DNAH2: variants seen among roughly 807,000 people sequenced by gnomAD.
DNAH2 encodes the protein axonemal beta dynein heavy chain 2.
Under a neutral mutation model 523.5 loss-of-function variants are expected in DNAH2, and 323 were observed. The ratio of observed to expected loss-of-function variants is 0.62; its 90% CI spans 0.56 to 0.68. The LOEUF is 0.68. DNAH2 is among the 30% of genes least tolerant of loss of function. DNAH2 has a pLI of 0.00. For missense variants in DNAH2, 4,907 were observed against 5,701.5 expected (o/e 0.86, Z 4.49); for synonymous variants, 2,093 against 2,177.4 (o/e 0.96, Z 1.08).
Position 7,807,598 on chromosome 17 carries a change from GCC to G in DNAH2, c.9729+13_9729+14del, listed in dbSNP as rs761182270. The G allele has an allele frequency of 7.5e-6, 12 of 1,606,230 alleles. No homozygotes were observed. In the Admixed American group the frequency reaches 2.0e-4, roughly 27 times the overall value. On this transcript the variant is annotated intron_variant, in intron 63 of 85. Transcript: ENST00000572933. This position sits in a 1 kb window ranked among gnomAD's most constrained non-coding sequence, Gnocchi z 5.6. ...AGAAGCTGCGGGAGGTGAGCTGATC[GCC>G]TGTCCTTTCCACGGAGGTCCCTCTC...
At chr17:7,724,888 A>G (rs1231706416) in intron 3 of DNAH2, among the ~76,000 whole-genome samples, 2 of 151,352 alleles carry the variant, frequency 1.3e-5, no homozygotes, top group East Asian at 2.0e-4. Context: ...GATTACAGGC[A>G]TGCACCACCA....
intron 7 of DNAH2, among the ~76,000 whole-genome samples, chr17:7,736,390 A>G (rs2075142988): frequency 6.6e-6 from 1 of 152,222 alleles, no homozygotes; most frequent in East Asian, 1.9e-4. Context: ...CTGGGTGACA[A>G]CTATGGGGAC....
At position 7,770,394 on chromosome 17, in the gene DNAH2, C is replaced by T; in HGVS notation, c.4084C>T (p.Leu1362=). 1 of 1,613,006 alleles carries T rather than the reference C, an allele frequency of 6.2e-7. No homozygotes were observed. The highest frequency in any genetic ancestry group is 8.5e-7 in the Non-Finnish European group (1 of 1,179,468). The change falls in exon 25 of 86, where the codon CTG becomes TTG. Residue 1362 remains leucine (L), a synonymous_variant. Transcript: ENST00000572933. ...GATCTCTGCTTCAGCAACTAAAGAG[C>T]TGGCTATAGAAGTGGTACGACAGTC... ...GEISASATKE[L]AIEVALQNIA...
intron 2 of DNAH2, among the ~76,000 whole-genome samples, chr17:7,722,964 C>CTTTTTTT (rs559136734): frequency 8.7e-6 from 1 of 114,694 alleles, no homozygotes; most frequent in Non-Finnish European, 1.7e-5. Context: ...CTTTTCTTTC[C>CTTTTTTT]TTTTTTTTTT....
At chr17:7,740,667 C>T (rs965476577) in intron 10 of DNAH2, 118 bp downstream of exon 10, 1 of 1,540,332 alleles carries the variant, frequency 6.5e-7, no homozygotes, top group South Asian at 1.2e-5. Flanking sequence ...ATTCGGGCGC[C>T]TCTTGTCTTT....
chr17:7,833,216 C>T lies in DNAH2; in HGVS notation c.13124C>T (p.Ala4375Val). The T allele has an allele frequency of 1.2e-6, 2 of 1,607,104 alleles. No individual in the cohort carries two copies. Among genetic ancestry groups the T allele is most frequent in the East Asian group, 2.2e-5 (1 of 44,862 alleles). ...CCTGCAGAGAGCCGCAAGAAGAGCGCCAAGGGTGGGACAGCTCCCCAGGCA... is the reference window on the plus strand; with the variant it reads ...CCTGCAGAGAGCCGCAAGAAGAGCGTCAAGGGTGGGACAGCTCCCCAGGCA... ...FRPAESRKKSAKGMYSCPCYY... is the reference protein window; with the variant it reads ...FRPAESRKKSVKGMYSCPCYY... The change falls in exon 85 of 86, where the codon GCC becomes GTC. Residue 4375 changes from alanine to valine, a missense_variant. By Grantham distance (64) the Ala-to-Val change is moderately conservative. Around this residue, in one of 3 missense-constraint regions of DNAH2, gnomAD observed 1,851 missense variants for 2,139.4 expected, o/e 0.87. Transcript: ENST00000572933.
At chr17:7,812,692 GT>G (rs1567740391) in intron 63 of DNAH2, among the ~76,000 whole-genome samples, 1 of 149,174 alleles carries the variant, frequency 6.7e-6, no homozygotes, top group Non-Finnish European at 1.5e-5. Context: ...AGGCCGAGGT[GT>G]GCGGATCACC....
chr17:7,725,440 A>ATATT (rs958458949), intron 3 of DNAH2, among the ~76,000 whole-genome samples: 14 of 130,506 alleles, frequency 1.1e-4, no homozygotes, highest in Admixed American at 1.6e-4. Context: ...ATATATATAT[A>ATATT]TTTTCTTTTT....
chr17:7,832,587 C>T lies in DNAH2; in HGVS notation c.12735C>T (p.Pro4245=). ...HVPPLWGKAY[P]SQKPLAAWTR... is the part of the protein sequence containing the mutation. ...ACGCACTCCTTCCCCAGGCATACCCCTCACAAAAGCCATTGGCTGCCTGGA... is the reference window on the plus strand; with the variant it reads ...ACGCACTCCTTCCCCAGGCATACCCTTCACAAAAGCCATTGGCTGCCTGGA... Residue 4245 remains proline, a synonymous_variant, in exon 83 of 86, where the codon CCC becomes CCT. Coordinates refer to ENST00000572933, the MANE Select transcript of DNAH2 (RefSeq NM_020877.5). This position sits in a 1 kb window ranked among gnomAD's most constrained non-coding sequence, Gnocchi z 4.3. The T allele has an allele frequency of 1.2e-6, 2 of 1,614,020 alleles. No individual in the cohort carries two copies. The highest frequency in any genetic ancestry group is 1.1e-5 in the South Asian group (1 of 91,060).
At chr17:7,792,884 C>T (rs1390602209) in intron 47 of DNAH2, 29 bp downstream of exon 47, 1 of 1,605,816 alleles carries the variant, frequency 6.2e-7, no homozygotes, top group Non-Finnish European at 8.5e-7. Flanking sequence ...GGCCAGGCTG[C>T]CGGCTCCCTT....
chr17:7,817,490 G>A (rs1204625532), intron 65 of DNAH2, 71 bp from the exon 66 acceptor site: 12 of 1,613,384 alleles, frequency 7.4e-6, no homozygotes, highest in Non-Finnish European at 1.0e-5. Context: ...AATATTAAGA[G>A]ATACCGTGAA....
chr17:7,732,299 G>T (rs1328090223), intron 4 of DNAH2, among the ~76,000 whole-genome samples: 1 of 151,616 alleles, frequency 6.6e-6, no homozygotes, highest in Admixed American at 6.6e-5. Flanking sequence ...GCCAGGTGTG[G>T]TGGTACGGGC....
At chr17:7,758,054 A>G (rs1265274761) in intron 13 of DNAH2, among the ~76,000 whole-genome samples, 3 of 152,228 alleles carry the variant, frequency 2.0e-5, no homozygotes, top group South Asian at 2.1e-4. Context: ...GTTAAAGTCC[A>G]AGGAGGTGCA....
chr17:7,770,508 C>T (rs777354681), intron 25 of DNAH2, 49 bp from the exon 26 acceptor site: 1 of 1,613,294 alleles, frequency 6.2e-7, no homozygotes, highest in Non-Finnish European at 8.5e-7. Flanking sequence ...TCCTGTTCCC[C>T]TTAGTGAAGA....
chr17:7,727,258 T>A lies in DNAH2; in HGVS notation c.365T>A (p.Phe122Tyr), dbSNP rs1252251076. Residue 122 changes from phenylalanine (F) to tyrosine (Y), a missense_variant, in exon 4 of 86, where the codon TTT becomes TAT. Coordinates refer to ENST00000572933, the MANE Select transcript of DNAH2 (RefSeq NM_020877.5). ...SILTIFIDPC[F>Y]GLKLELGMPV... ...CTCACCATCTTCATTGACCCTTGTT[T>A]TGGGCTGAAGCTAGAGCTGGGCATG... 4 of 1,611,992 alleles carry A rather than the reference T, an allele frequency of 2.5e-6. No homozygotes were observed. Among genetic ancestry groups the A allele is most frequent in the Non-Finnish European group, 3.4e-6 (4 of 1,179,084 alleles).
intron 12 of DNAH2, among the ~76,000 whole-genome samples, chr17:7,749,189 T>A (rs1035812545): frequency 1.4e-4 from 21 of 150,562 alleles, no homozygotes; most frequent in African/African-American, 4.9e-4. Flanking sequence ...GCGTCTGTAA[T>A]CCCAGCTACT....
intron 72 of DNAH2, among the ~76,000 whole-genome samples, chr17:7,820,146 C>A (rs1280471989): frequency 6.6e-6 from 1 of 152,146 alleles, no homozygotes; most frequent in African/African-American, 2.4e-5. Flanking sequence ...CCTTTCAAAG[C>A]AGTCACCAGG....
chr17:7,805,044 G>A lies in DNAH2; in HGVS notation c.9270G>A (p.Glu3090=), dbSNP rs2077330210. The A allele has an allele frequency of 6.2e-7, 1 of 1,614,100 alleles. No individual in the cohort carries two copies. Among genetic ancestry groups the A allele is most frequent in the Non-Finnish European group, 8.5e-7 (1 of 1,180,020 alleles). The change falls in exon 60 of 86, where the codon GAG becomes GAA. Residue 3090 remains glutamate (E), a synonymous_variant. Transcript: ENST00000572933. ...LADNAQKDLE[E]ALPALEEAMR... ...ACAATGCCCAGAAAGATCTAGAAGA[G>A]GCACTGCCCGCCCTGGAAGAGGCCA... is the stretch of plus-strand genomic sequence containing the variant.
chr17:7,722,448 C>T (rs956633469), intron 2 of DNAH2, among the ~76,000 whole-genome samples: 4 of 152,124 alleles, frequency 2.6e-5, no homozygotes, highest in Non-Finnish European at 4.4e-5. Context: ...ATTTTTATCC[C>T]GCCAAAAGAA....
Sources: gnomAD v4.1 joint callset for allele counts (sites outside exome capture counted in the v4.1 genomes callset) on GRCh38, gnomAD v4.1.1 for gene constraint, gnomAD v4.1.1 regional missense constraint, Gnocchi (gnomAD v3.1) non-coding constraint, MANE v1.5 for transcripts, NCBI Gene and HGNC (gene_info 2026-07-23, HGNC 2026-07-21) for gene names.